RAPGEF4: variants seen among roughly 807,000 people sequenced by gnomAD.
The protein encoded by RAPGEF4 is RAP guanine-nucleotide-exchange factor (GEF) 4.
A neutral mutation model predicts 147.9 loss-of-function variants in RAPGEF4; 66 were observed. The observed-to-expected ratio is 0.45, with a 90% confidence interval of 0.37 to 0.55. The LOEUF (loss-of-function observed/expected upper bound fraction) is 0.55, where lower values mean the gene tolerates loss of function less well. RAPGEF4 is among the 20% of genes least tolerant of loss of function. The probability of loss-of-function intolerance (pLI) is 0.00; values close to 1 mark genes in which losing one functional copy is unlikely to be tolerated. For missense variants in RAPGEF4, 1,071 were observed against 1,257.3 expected, an observed-to-expected ratio of 0.85 and a Z score of 2.24; for synonymous variants, 419 against 442.7, an observed-to-expected ratio of 0.95 and a Z score of 0.67.
intron 23 of RAPGEF4, among the ~76,000 whole-genome samples, chr2:173,021,958 A>G (rs1345086714): frequency 6.6e-6 from 1 of 152,176 alleles, no homozygotes; most frequent in African/African-American, 2.4e-5. Flanking sequence ...ATAAGATCTG[A>G]GTCTGCCTCC....
intron 4 of RAPGEF4, among the ~76,000 whole-genome samples, chr2:172,815,612 A>G (rs528361734): frequency 5.3e-5 from 8 of 152,334 alleles, no homozygotes; most frequent in African/African-American, 1.9e-4. Flanking sequence ...CACTTTTTGG[A>G]TCTTTCATTT....
At chr2:172,788,520 G>C (rs1685473142) in intron 1 of RAPGEF4, among the ~76,000 whole-genome samples, 1 of 152,140 alleles carries the variant, frequency 6.6e-6, no homozygotes, top group African/African-American at 2.4e-5. Context: ...TGTATTATCT[G>C]TCTGTTTTCA....
chr2:172,985,548 A>T, intron 12 of RAPGEF4, 55 bp downstream of exon 12: 1 of 1,581,630 alleles, frequency 6.3e-7, no homozygotes, highest in Non-Finnish European at 8.6e-7. Flanking sequence ...TTGCAAGCAC[A>T]TGCCACGGGA....
At chr2:172,915,328 A>G (rs967296073) in intron 4 of RAPGEF4, among the ~76,000 whole-genome samples, 3 of 152,198 alleles carry the variant, frequency 2.0e-5, no homozygotes, top group Non-Finnish European at 4.4e-5. Flanking sequence ...TAGCTGTGAT[A>G]ATGGTATTGT....
At chr2:172,811,794 G>A (rs1012179598) in intron 3 of RAPGEF4, among the ~76,000 whole-genome samples, 3 of 152,108 alleles carry the variant, frequency 2.0e-5, no homozygotes, top group East Asian at 1.9e-4. Context: ...TTCATCATAC[G>A]TGCTGAGCAA....
intron 1 of RAPGEF4, among the ~76,000 whole-genome samples, chr2:172,791,038 G>T (rs1685765679): frequency 6.6e-6 from 1 of 152,216 alleles, no homozygotes; most frequent in Non-Finnish European, 1.5e-5. Flanking sequence ...AAGGTAGAAA[G>T]GGGTGGGCCT....
At chr2:172,812,189 C>T (rs1185576166) in intron 3 of RAPGEF4, among the ~76,000 whole-genome samples, 3 of 152,070 alleles carry the variant, frequency 2.0e-5, no homozygotes, top group East Asian at 1.9e-4. Context: ...TTTGAGTGGA[C>T]GCAGTGTGAA....
At chr2:173,012,192 A>G (rs4972525) in intron 17 of RAPGEF4, among the ~76,000 whole-genome samples, 105,985 of 152,092 alleles carry the variant, frequency 0.7, 37,350 homozygotes, top group East Asian at 1. Flanking sequence ...TAGAAGAGGG[A>G]CTAGAGGGAA....
At chr2:172,882,519 C>G (rs1696741534) in intron 4 of RAPGEF4, among the ~76,000 whole-genome samples, 1 of 152,120 alleles carries the variant, frequency 6.6e-6, no homozygotes, top group Non-Finnish European at 1.5e-5. Context: ...TCAAAATGCA[C>G]TATGAGAAGC....
At chr2:172,922,460 T>C (rs951707311) in intron 6 of RAPGEF4, among the ~76,000 whole-genome samples, 160 bp downstream of exon 6, 1 of 152,208 alleles carries the variant, frequency 6.6e-6, no homozygotes, top group African/African-American at 2.4e-5. Flanking sequence ...CACTTTGAAA[T>C]AGAAAGGGGA....
At chr2:172,984,260 A>C (rs1162284203) in intron 11 of RAPGEF4, among the ~76,000 whole-genome samples, 1 of 152,210 alleles carries the variant, frequency 6.6e-6, no homozygotes, top group African/African-American at 2.4e-5. Flanking sequence ...AAGTGGTTTC[A>C]ACTTTCACAG....
chr2:173,047,763 A>G (rs201906298), intron 29 of RAPGEF4, among the ~76,000 whole-genome samples: 2,037 of 149,724 alleles, frequency 0.014, 69 homozygotes, highest in South Asian at 0.086. Flanking sequence ...TGCAAGCTCC[A>G]CCTCCCAGGT....
In RAPGEF4 at chr2:172,806,073, CAGAG is replaced by C. The variant is rs768107035; in HGVS notation, c.298-8202_298-8199del. Among the ~76,000 whole-genome samples the C allele has an allele frequency of 2.4e-3, 341 of 139,836 alleles. 2 individuals are homozygous for C. Among genetic ancestry groups the C allele is most frequent in the Admixed American group, 0.02 (275 of 14,046 alleles). The allele number at this position is 139,836 out of a possible 152,430, so 91.7% of individuals were successfully genotyped here. A position where few individuals can be genotyped will look rare whatever the true frequency, so the allele number is the denominator to read the frequency against. ...TGTGTGTGTGTGTTTACTTCAGAGA[CAGAG>C]AGAAAGGGAGAGAGAAGGTCCTGTT... On this transcript the variant is annotated intron_variant, in intron 3 of 30. Coordinates refer to ENST00000397081, the MANE Select transcript of RAPGEF4 (RefSeq NM_007023.4).
chr2:173,036,642 C>T lies in RAPGEF4; in HGVS notation c.2803C>T (p.His935Tyr). The change falls in exon 29 of 31, where the codon CAT (histidine) becomes TAT (tyrosine). Residue 935 changes from histidine (H) to tyrosine (Y), a missense_variant. Transcript: ENST00000397081. ...TTTCTTTACAGATATGACATTTACTCATGAGGGGAACAAGACGTTCATTGA... is the reference window on the plus strand; with the variant it reads ...TTTCTTTACAGATATGACATTTACTTATGAGGGGAACAAGACGTTCATTGA... Reference protein sequence around the residue: ...PLLIKDMTFTHEGNKTFIDNL... With the variant: ...PLLIKDMTFTYEGNKTFIDNL... The T allele has an allele frequency of 6.2e-7, 1 of 1,610,652 alleles. No homozygotes were observed. The highest frequency in any genetic ancestry group is 8.5e-7 in the Non-Finnish European group (1 of 1,177,754).
At chr2:172,934,692 C>T (rs190456520) in intron 6 of RAPGEF4, among the ~76,000 whole-genome samples, 6 of 151,760 alleles carry the variant, frequency 4.0e-5, no homozygotes, top group South Asian at 2.1e-4. Context: ...TCACCTGAAC[C>T]GGAAGGATTT....
At chr2:172,764,593 G>A (rs1168353080) in intron 1 of RAPGEF4, among the ~76,000 whole-genome samples, 1 of 152,192 alleles carries the variant, frequency 6.6e-6, no homozygotes, top group Non-Finnish European at 1.5e-5. Flanking sequence ...GATCCCCTGA[G>A]ATACAGCTGG....
chr2:172,766,515 T>G (rs1396996566), intron 1 of RAPGEF4, among the ~76,000 whole-genome samples: 8 of 152,050 alleles, frequency 5.3e-5, no homozygotes, highest in Non-Finnish European at 1.2e-4. Context: ...TACTCCAGCC[T>G]GGGTGATGGA....
chr2:172,882,940 T>A (rs1696783536), intron 4 of RAPGEF4, among the ~76,000 whole-genome samples: 1 of 152,184 alleles, frequency 6.6e-6, no homozygotes, highest in South Asian at 2.1e-4. Flanking sequence ...TCAAGTCCAA[T>A]TGTTGCATTT....
At chr2:172,739,948 TAAATC>T (rs796858761) in intron 1 of RAPGEF4, among the ~76,000 whole-genome samples, 15 of 152,332 alleles carry the variant, frequency 9.8e-5, no homozygotes, top group African/African-American at 3.1e-4. Context: ...TGGTTGGAAA[TAAATC>T]AAAAGAAGAT....
Sources: gnomAD v4.1 joint callset for allele counts (sites outside exome capture counted in the v4.1 genomes callset) on GRCh38, gnomAD v4.1.1 for gene constraint, MANE v1.5 for transcripts, NCBI Gene and HGNC (gene_info 2026-07-23, HGNC 2026-07-21) for gene names.